The following FBXO25 variants were observed in gnomAD, a reference collection of about 807,000 sequenced individuals.
FBXO25 encodes F-box only protein 25.
A neutral mutation model predicts 51.9 loss-of-function variants in FBXO25; 45 were observed. The ratio of observed to expected loss-of-function variants is 0.87; its 90% CI spans 0.68 to 1.11. The LOEUF (loss-of-function observed/expected upper bound fraction) is 1.11, where lower values mean the gene tolerates loss of function less well. Ranked by LOEUF, FBXO25 falls within the 50% of genes most tolerant of loss-of-function variation. The pLI, the probability that FBXO25 is intolerant of heterozygous loss-of-function variation, is 0.00. For synonymous variants in FBXO25, 199 were observed against 151.0 expected (o/e 1.32, Z -2.33); for missense variants, 507 against 428.5 (o/e 1.18, Z -1.62).
At chr8:459,832 C>G (rs925401793) in intron 8 of FBXO25, among the ~76,000 whole-genome samples, 1 of 152,160 alleles carries the variant, frequency 6.6e-6, no homozygotes, top group Non-Finnish European at 1.5e-5. Flanking sequence ...GCCCCAGAAC[C>G]TGGGGGGAGC....
intron 8 of FBXO25, among the ~76,000 whole-genome samples, chr8:462,369 A>G (rs1474535341): frequency 2.6e-5 from 4 of 152,188 alleles, no homozygotes; most frequent in Non-Finnish European, 5.9e-5. Context: ...TTCTTTATCT[A>G]TTCTAGATAT....
intron 8 of FBXO25, among the ~76,000 whole-genome samples, chr8:458,990 C>T (rs80014128): frequency 2.4e-4 from 37 of 152,140 alleles, no homozygotes; most frequent in Non-Finnish European, 4.7e-4. Flanking sequence ...GCCCCTCCCC[C>T]CTGCCTTGTG....
rs1168839307 is a variant in FBXO25 at position 413,100 on chromosome 8, C to G, written c.21C>G (p.Asp7Glu). 1 of 1,592,252 alleles carries G rather than the reference C, an allele frequency of 6.3e-7. No homozygotes were observed. Among genetic ancestry groups the G allele is most frequent in the African/African-American group, 1.4e-5 (1 of 73,416 alleles). Residue 7 changes from aspartate to glutamate, a missense_variant, in exon 2 of 10, where the codon GAC (aspartate) becomes GAG (glutamate). Physicochemically the swap from Asp to Glu is conservative, Grantham distance 45 (BLOSUM62 2). Coordinates refer to ENST00000350302, the MANE Select transcript of FBXO25 (RefSeq NM_183420.2). The stretch of plus-strand genomic sequence containing the variant: ...GAACTATGCCATTTTTGGGTCAGGA[C>G]TGGAGATCTCCTGGATGGAGTTGGA... MPFLGQ[D>E]WRSPGWSWIK...
At chr8:443,634 A>G (rs1233090380) in intron 5 of FBXO25, among the ~76,000 whole-genome samples, 2 of 150,994 alleles carry the variant, frequency 1.3e-5, no homozygotes, top group Non-Finnish European at 2.9e-5. Context: ...CTAAGCCTGA[A>G]GTGGAGGGCA....
intron 5 of FBXO25, among the ~76,000 whole-genome samples, chr8:449,097 C>A (rs11783528): frequency 0.13 from 19,817 of 152,094 alleles, 1,867 homozygotes; most frequent in African/African-American, 0.27. Context: ...TAAAAGATTT[C>A]AGATTGAATC....
At chr8:409,643 C>T (rs192537562) in intron 1 of FBXO25, among the ~76,000 whole-genome samples, 63 of 151,886 alleles carry the variant, frequency 4.1e-4, no homozygotes, top group Admixed American at 2.0e-3. Context: ...ATTTGTGTGT[C>T]ATCAAGTTTT....
chr8:465,537 T>A (rs1456082190), intron 9 of FBXO25, among the ~76,000 whole-genome samples: 4 of 152,314 alleles, frequency 2.6e-5, no homozygotes, highest in Non-Finnish European at 2.9e-5. Flanking sequence ...AACAAAGAAA[T>A]ACACAGTCCT....
At chr8:467,933 T>C (rs1800290676) in intron 9 of FBXO25, 2 of 1,434,018 alleles carry the variant, frequency 1.4e-6, no homozygotes, top group African/African-American at 1.4e-5. Context: ...ACGAGAGTGT[T>C]GATGAAATAT....
At chr8:447,467 A>G (rs1750338104) in intron 5 of FBXO25, among the ~76,000 whole-genome samples, 1 of 152,224 alleles carries the variant, frequency 6.6e-6, no homozygotes, top group South Asian at 2.1e-4. Flanking sequence ...ACAGTTCATC[A>G]TAAATGAAAA....
chr8:461,434 A>G (rs1799801871), intron 8 of FBXO25, among the ~76,000 whole-genome samples: 1 of 152,228 alleles, frequency 6.6e-6, no homozygotes, highest in Non-Finnish European at 1.5e-5. Flanking sequence ...AGCAGGCAAG[A>G]GAGCATGTGC....
At chr8:418,333 C>CTTTTTTTTTTTTTTTTTTT (rs1207244013) in intron 2 of FBXO25, among the ~76,000 whole-genome samples, 6 of 72,336 alleles carry the variant, frequency 8.3e-5, no homozygotes, top group Admixed American at 2.0e-4. Context: ...TTTGTTTGTT[C>CTTTTTTTTTTTTTTTTTTT]TTTTTTTTTT....
chr8:447,285 G>T (rs1585067576), intron 5 of FBXO25, among the ~76,000 whole-genome samples: 1 of 152,068 alleles, frequency 6.6e-6, no homozygotes, highest in Admixed American at 6.6e-5. Flanking sequence ...GGAGAGAGTG[G>T]TGGAACTGGG....
intron 1 of FBXO25, among the ~76,000 whole-genome samples, chr8:409,972 C>T (rs1796390941): frequency 1.3e-5 from 2 of 152,098 alleles, no homozygotes; most frequent in African/African-American, 4.8e-5. Context: ...GCTTATTTTT[C>T]TCAAACTGTG....
At chr8:407,132 T>C (rs546267976) in intron 1 of FBXO25, 66 bp downstream of exon 1, 92 of 153,848 alleles carry the variant, frequency 6.0e-4, no homozygotes, top group African/African-American at 2.3e-3. Flanking sequence ...TAGGTGAAGA[T>C]TGGGGCTCGC....
rs928188606 is a variant in FBXO25, at chr8:458,559, G to C, written c.843+8G>C. 6.2e-7 allele frequency: 1 copy of C among 1,613,132 alleles called. No individual in the cohort carries two copies. Among genetic ancestry groups the C allele is most frequent in the African/African-American group, 1.3e-5 (1 of 74,936 alleles). The stretch of plus-strand genomic sequence containing the variant: ...CATTTTGCTGAAAAGCAGGTGAGTG[G>C]GATGCAGCAGTCTCCCCTCAGGCTG... On this transcript the variant is annotated splice_region_variant and intron_variant, in intron 8 of 9. Transcript: ENST00000350302.
intron 7 of FBXO25, among the ~76,000 whole-genome samples, chr8:451,673 C>A (rs1391544737): frequency 6.6e-6 from 1 of 152,156 alleles, no homozygotes; most frequent in African/African-American, 2.4e-5. Context: ...TCAAACCAGG[C>A]TGATCCTATG....
At chr8:457,158 A>C (rs1799493900) in intron 7 of FBXO25, among the ~76,000 whole-genome samples, 1 of 152,208 alleles carries the variant, frequency 6.6e-6, no homozygotes, top group Admixed American at 6.5e-5. Flanking sequence ...ACACGACAGA[A>C]GCGCCACCCC....
intron 1 of FBXO25, among the ~76,000 whole-genome samples, chr8:410,873 A>G (rs373027694): frequency 1.3e-5 from 2 of 152,246 alleles, no homozygotes; most frequent in East Asian, 1.9e-4. Flanking sequence ...TTCTTCGTGT[A>G]AAGAATAATT....
Position 463,040 on chromosome 8 carries a change from C to T in FBXO25, c.877C>T (p.His293Tyr). ...ACATTTGATCCTTTCAGAAAAAGGT[C>T]ATATTGAATGGAAGTTGATGTACTT... ...CRHLILSEKG[H>Y]IEWKLMYFAL... The change falls in exon 9 of 10, where the codon CAT becomes TAT. Residue 293 changes from histidine to tyrosine, a missense_variant. His to Tyr is a moderately conservative substitution (Grantham distance 83). Transcript: ENST00000350302. 4 of 1,613,146 alleles carry T rather than the reference C, an allele frequency of 2.5e-6. No homozygotes were observed. The highest frequency in any genetic ancestry group is 1.3e-5 in the African/African-American group (1 of 74,990).
Sources: allele counts gnomAD v4.1 joint callset (sites outside exome capture counted in the v4.1 genomes callset), GRCh38; gene constraint gnomAD v4.1.1; transcripts MANE v1.5; gene names NCBI Gene and HGNC (gene_info 2026-07-23, HGNC 2026-07-21).